COL6A5: variants seen among roughly 807,000 people sequenced by gnomAD.
COL6A5 encodes the protein collagen alpha-5(VI) chain.
A neutral mutation model predicts 65.6 loss-of-function variants in COL6A5; 48 were observed. The ratio of observed to expected loss-of-function variants is 0.73; its 90% CI spans 0.58 to 0.93. The LOEUF is 0.93. COL6A5 is among the 40% of genes least tolerant of loss of function. The pLI is 0.00. For missense variants in COL6A5, 914 were observed against 928.3 expected (o/e 0.98, Z 0.20); for synonymous variants, 291 against 322.8 (o/e 0.90, Z 1.05).
chr3:130,444,553 G>A (rs745468058), intron 4 of COL6A5, among the ~76,000 whole-genome samples: 2 of 152,090 alleles, frequency 1.3e-5, no homozygotes, highest in Non-Finnish European at 2.9e-5. Flanking sequence ...CTGACCTCCC[G>A]CAACATCTCT....
chr3:130,421,398 T>TA (rs1162257162), intron 27 of COL6A5, 38 bp downstream of exon 27: 1 of 1,542,724 alleles, frequency 6.5e-7, no homozygotes, highest in South Asian at 1.2e-5. Flanking sequence ...ACCATGATCT[T>TA]AACCTTCTAC....
rs1264165010 is a variant in COL6A5, at chr3:130,346,557, A to G, written c.-29+576A>G. 2.6e-5 allele frequency among the ~76,000 whole-genome samples: 4 copies of G among 152,282 alleles called. No individual in the cohort carries two copies. In the South Asian group the frequency reaches 6.2e-4, roughly 24 times the overall value. ...GTCCCAAACGAAACTGTGATCTTTGAGATTTCCTAAGAACAGCACTCAGAG... is the reference window on the plus strand; with the variant it reads ...GTCCCAAACGAAACTGTGATCTTTGGGATTTCCTAAGAACAGCACTCAGAG... On this transcript the variant is annotated intron_variant and NMD_transcript_variant, in intron 1 of 41. Coordinates refer to the COL6A5 transcript ENST00000312481.
At chr3:130,471,780 A>G (rs755622622) in intron 7 of COL6A5, 28 of 1,535,006 alleles carry the variant, frequency 1.8e-5, no homozygotes, top group East Asian at 2.4e-5. Flanking sequence ...GGGAACAATC[A>G]TAGTAGTGGT....
chr3:130,438,244 C>G (rs1042189764), intron 1 of COL6A5, among the ~76,000 whole-genome samples: 1 of 152,190 alleles, frequency 6.6e-6, no homozygotes, highest in Non-Finnish European at 1.5e-5. Context: ...ATCCACCTGC[C>G]TTGGCCTCCC....
At chr3:130,442,520 G>C (rs1296703387) in intron 3 of COL6A5, among the ~76,000 whole-genome samples, 1 of 152,156 alleles carries the variant, frequency 6.6e-6, no homozygotes, top group African/African-American at 2.4e-5. Context: ...TTGACTTCCA[G>C]CTGGGAAGTG....
At chr3:130,403,746 C>A in intron 13 of COL6A5, 84 bp downstream of exon 13, 1 of 1,062,948 alleles carries the variant, frequency 9.4e-7, no homozygotes. Context: ...CACTTATTTT[C>A]TTTTTCATAA....
intron 4 of COL6A5, among the ~76,000 whole-genome samples, chr3:130,382,808 T>C (rs1282134409): frequency 6.6e-6 from 1 of 152,118 alleles, no homozygotes; most frequent in Non-Finnish European, 1.5e-5. Flanking sequence ...AAAATTCACA[T>C]TAACCAAACT....
chr3:130,417,501 CA>C (rs1937378717), intron 24 of COL6A5, among the ~76,000 whole-genome samples: 1 of 152,122 alleles, frequency 6.6e-6, no homozygotes, highest in Non-Finnish European at 1.5e-5. Flanking sequence ...CCATCAGAAA[CA>C]ACTCTAAAAG....
At chr3:130,392,966 C>T (rs999522390) in intron 7 of COL6A5, among the ~76,000 whole-genome samples, 4 of 152,104 alleles carry the variant, frequency 2.6e-5, no homozygotes, top group South Asian at 2.1e-4. Flanking sequence ...CAGTCTGAAG[C>T]GTGGGCTCCC....
At chr3:130,456,526 C>A (rs932253040) in intron 5 of COL6A5, among the ~76,000 whole-genome samples, 1 of 152,068 alleles carries the variant, frequency 6.6e-6, no homozygotes, top group Non-Finnish European at 1.5e-5. Context: ...GTACCCCGTT[C>A]TCCATGATGT....
chr3:130,451,172 C>T (rs56749231), intron 4 of COL6A5, among the ~76,000 whole-genome samples: 27 of 152,184 alleles, frequency 1.8e-4, no homozygotes, highest in African/African-American at 5.5e-4. Flanking sequence ...AACCCTTGGA[C>T]GTTAGGTGGG....
At chr3:130,458,415 C>T (rs1709626157) in intron 5 of COL6A5, among the ~76,000 whole-genome samples, 1 of 152,060 alleles carries the variant, frequency 6.6e-6, no homozygotes, top group Non-Finnish European at 1.5e-5. Flanking sequence ...AGTGTTGTTC[C>T]TACACAAGCA....
intron 3 of COL6A5, among the ~76,000 whole-genome samples, 162 bp downstream of exon 3, chr3:130,376,998 A>AT (rs769415870): frequency 2.6e-5 from 4 of 152,012 alleles, no homozygotes; most frequent in African/African-American, 7.2e-5. Context: ...TGCTTGTGCC[A>AT]TTTTTTCTGA....
intron 1 of COL6A5, among the ~76,000 whole-genome samples, chr3:130,433,675 C>T (rs1304366198): frequency 6.6e-6 from 1 of 152,184 alleles, no homozygotes; most frequent in Non-Finnish European, 1.5e-5. Context: ...CATAGAGCTG[C>T]TACCCTTGGT....
chr3:130,438,149 C>T (rs908076083), intron 1 of COL6A5, among the ~76,000 whole-genome samples: 3 of 152,066 alleles, frequency 2.0e-5, no homozygotes, highest in Non-Finnish European at 4.4e-5. Context: ...AGGCACATGC[C>T]ACCACACCTG....
rs564675730 is a variant in COL6A5 at position 130,382,454 on chromosome 3, A to G, written c.1301-2350A>G. Among the ~76,000 whole-genome samples, 4 of 148,626 alleles carry G rather than the reference A, an allele frequency of 2.7e-5. No homozygotes were observed. In the South Asian group the frequency reaches 8.6e-4, roughly 32 times the overall value. On this transcript the variant is annotated intron_variant and NMD_transcript_variant, in intron 4 of 41. Coordinates refer to the COL6A5 transcript ENST00000312481. ...TAAGAAATTTGAGAAAATACAGGTGAAAACACCAATAGTGTCTGTTTTAAA... is the reference window on the plus strand; with the variant it reads ...TAAGAAATTTGAGAAAATACAGGTGGAAACACCAATAGTGTCTGTTTTAAA...
chr3:130,369,264 A>G (rs1440544086), intron 1 of COL6A5, among the ~76,000 whole-genome samples: 1 of 152,216 alleles, frequency 6.6e-6, no homozygotes, highest in Non-Finnish European at 1.5e-5. Context: ...TTTCTCTTTC[A>G]GAATGCTATA....
exon 5 of COL6A5, chr3:130,455,493 A>G (rs1348162273): frequency 1.2e-6 from 2 of 1,612,396 alleles, no homozygotes; most frequent in Non-Finnish European, 1.7e-6. Context: ...TTGGGAGGTA[A>G]TGGCTTCATT....
At chr3:130,405,775 C>T (rs1936966707) in intron 14 of COL6A5, 116 bp downstream of exon 14, 3 of 979,250 alleles carry the variant, frequency 3.1e-6, no homozygotes, top group Non-Finnish European at 4.6e-6. Flanking sequence ...CTTTTCCTTT[C>T]TCCAGTTATA....
Sources: allele counts gnomAD v4.1 joint callset (sites outside exome capture counted in the v4.1 genomes callset), GRCh38; gene constraint gnomAD v4.1.1; transcripts MANE v1.5; gene names NCBI Gene and HGNC (gene_info 2026-07-23, HGNC 2026-07-21).